Variants in CAPN3 observed in about 807,000 individuals in gnomAD.
CAPN3 encodes calpain 3, also known as calpain-3.
CAPN3 carries 88 observed loss-of-function variants against 114.0 expected under a neutral mutation model. That is an observed-to-expected ratio of 0.77 (90% CI 0.65 to 0.92). The LOEUF (loss-of-function observed/expected upper bound fraction) is 0.92, where lower values mean the gene tolerates loss of function less well. Among genes scored for constraint, CAPN3 ranks in the 40% least tolerant of loss-of-function variants. The probability of loss-of-function intolerance (pLI) is 0.00; values close to 1 mark genes in which losing one functional copy is unlikely to be tolerated. For synonymous variants in CAPN3, 386 were observed against 382.9 expected, an observed-to-expected ratio of 1.01 and a Z score of -0.09; for missense variants, 1,028 against 1,069.0, an observed-to-expected ratio of 0.96 and a Z score of 0.53.
At position 42,396,843 on chromosome 15, in the gene CAPN3, C is replaced by A. The variant is rs1225970825; in HGVS notation, c.1159C>A (p.Leu387Met). The stretch of plus-strand genomic sequence containing the variant: ...TGTGGACAAAGATGAGAAGGCCCGT[C>A]TGCAGCACCAGGTCACTGAGGATGG... ...SFVDKDEKAR[L>M]QHQVTEDGEF... The change falls in exon 9 of 24, where the codon CTG becomes ATG. Residue 387 changes from leucine to methionine, a missense_variant. Leu to Met is a conservative substitution (Grantham distance 15, BLOSUM62 2). Coordinates refer to ENST00000397163, the MANE Select transcript of CAPN3 (RefSeq NM_000070.3). The A allele has an allele frequency of 6.2e-7, 1 of 1,614,070 alleles. No homozygotes were observed. The highest frequency in any genetic ancestry group is 1.1e-5 in the South Asian group (1 of 91,084).
intron 7 of CAPN3, among the ~76,000 whole-genome samples, chr15:42,393,872 C>A (rs1342263745): frequency 6.6e-6 from 1 of 152,046 alleles, no homozygotes; most frequent in African/African-American, 2.4e-5. Context: ...GGATTACAGG[C>A]GTGAGCCACC....
chr15:42,392,824 CCT>C, intron 7 of CAPN3, 102 bp downstream of exon 7: 1 of 839,262 alleles, frequency 1.2e-6, no homozygotes, highest in South Asian at 1.5e-5. Context: ...GCAGAGCTTG[CCT>C]CCAATCAGGA....
chr15:42,404,398 T>C, intron 14 of CAPN3: 1 of 456,530 alleles, frequency 2.2e-6, no homozygotes, highest in South Asian at 1.5e-5. Context: ...ATCGCGATAC[T>C]TGCAAGGTTG....
intron 10 of CAPN3, among the ~76,000 whole-genome samples, chr15:42,400,400 A>C (rs948436188): frequency 6.6e-6 from 1 of 152,194 alleles, no homozygotes; most frequent in Non-Finnish European, 1.5e-5. Context: ...AATGATGTCA[A>C]GATTCCCAGT....
At chr15:42,409,673 A>G in intron 17 of CAPN3, 114 bp from the exon 18 acceptor site, 3 of 999,906 alleles carry the variant, frequency 3.0e-6, no homozygotes, top group Admixed American at 1.7e-5. Context: ...CCATGACATA[A>G]TAGCACCGAC....
At chr15:42,411,438 T>G in intron 23 of CAPN3, 93 bp downstream of exon 23, 1 of 1,133,548 alleles carries the variant, frequency 8.8e-7, no homozygotes, top group Non-Finnish European at 1.3e-6. Flanking sequence ...TGCTCCTCAT[T>G]TCCACACAGT....
At chr15:42,398,571 G>A (rs570800936) in intron 9 of CAPN3, among the ~76,000 whole-genome samples, 148 of 148,686 alleles carry the variant, frequency 1.0e-3, no homozygotes, top group African/African-American at 3.5e-3. Flanking sequence ...GCAACAGAGC[G>A]AGACTCTGTC....
At chr15:42,405,695 A>G (rs189925645) in intron 14 of CAPN3, among the ~76,000 whole-genome samples, 16 of 152,270 alleles carry the variant, frequency 1.1e-4, no homozygotes, top group Admixed American at 8.5e-4. Flanking sequence ...AGAGTAGATT[A>G]TAAAAACAAA....
chr15:42,359,601 T>C lies in CAPN3; in HGVS notation c.-205T>C. 7.0e-7 allele frequency: 1 copy of C among 1,425,312 alleles called. No individual in the cohort carries two copies. Among genetic ancestry groups the C allele is most frequent in the Non-Finnish European group, 9.1e-7 (1 of 1,094,496 alleles). 88.3% of individuals were successfully genotyped at this position (1,425,312 alleles called of 1,614,324 possible). A position where few individuals can be genotyped will look rare whatever the true frequency, so the allele number is the denominator to read the frequency against. On this transcript the variant is annotated 5_prime_UTR_variant, in exon 1 of 24. Coordinates refer to ENST00000397163, the MANE Select transcript of CAPN3 (RefSeq NM_000070.3). Reference sequence around the variant, plus strand: ...TTAGCACTCATTTCTCAGGAGAACTTATGGCTTCAGAATCACAGCTCGGTT... The same window carrying C: ...TTAGCACTCATTTCTCAGGAGAACTCATGGCTTCAGAATCACAGCTCGGTT...
intron 7 of CAPN3, among the ~76,000 whole-genome samples, chr15:42,392,939 G>T (rs761020240): frequency 1.3e-5 from 2 of 152,204 alleles, no homozygotes; most frequent in East Asian, 3.8e-4. Flanking sequence ...TTTGCTTTTC[G>T]TGCTAAAGAT....
At chr15:42,362,841 G>A (rs754747394) in intron 1 of CAPN3, among the ~76,000 whole-genome samples, 2 of 152,184 alleles carry the variant, frequency 1.3e-5, no homozygotes, top group Non-Finnish European at 2.9e-5. Context: ...AACTTCTTCA[G>A]ATGTAGTGAC....
intron 1 of CAPN3, among the ~76,000 whole-genome samples, chr15:42,378,733 T>A (rs2053158870): frequency 6.6e-6 from 1 of 152,128 alleles, no homozygotes; most frequent in Non-Finnish European, 1.5e-5. Flanking sequence ...GGAATATTGC[T>A]TATTGATTTT....
At chr15:42,386,013 G>A in intron 2 of CAPN3, 154 bp from the exon 3 acceptor site, 1 of 755,036 alleles carries the variant, frequency 1.3e-6, no homozygotes, top group Non-Finnish European at 2.4e-6. Context: ...TCCTTCCCTG[G>A]GTTGACACCT....
chr15:42,365,527 A>G (rs904861312), intron 1 of CAPN3, among the ~76,000 whole-genome samples: 4 of 152,068 alleles, frequency 2.6e-5, no homozygotes, highest in Non-Finnish European at 5.9e-5. Flanking sequence ...CTCCAGATCC[A>G]GTGCCTTCTC....
At chr15:42,409,764 C>T (rs1437206164) in intron 17 of CAPN3, 23 bp from the exon 18 acceptor site, 2 of 1,611,296 alleles carry the variant, frequency 1.2e-6, no homozygotes, top group Admixed American at 1.7e-5. Context: ...TGAACCATGA[C>T]CCTCCTCTCC....
Position 42,360,367 on chromosome 15 carries a change from G to GA in CAPN3, c.309+268dup, listed in dbSNP as rs397962506. The stretch of plus-strand genomic sequence containing the variant: ...TCTTATGCTCTGGCTCTTTCTCTCT[G>GA]AAAAAAAAAAAAAAATCTTGCTTTT... On this transcript the variant is annotated intron_variant, in intron 1 of 23. Transcript: ENST00000397163. Among the ~76,000 whole-genome samples, 17,336 of 136,366 alleles carry GA rather than the reference G, an allele frequency of 0.13. 1,191 individuals are homozygous for GA. Among genetic ancestry groups the GA allele is most frequent in the South Asian group, 0.2 (859 of 4,350 alleles). The allele number at this position is 136,366 out of a possible 152,430, so 89.5% of individuals were successfully genotyped here.
At chr15:42,380,742 TATATATA>T in intron 1 of CAPN3, among the ~76,000 whole-genome samples, 1 of 61,148 alleles carries the variant, frequency 1.6e-5, no homozygotes, top group African/African-American at 8.6e-5. Flanking sequence ...TATATATATA[TATATATA>T]TATTTTTTTT....
At chr15:42,411,705 ACT>A (rs761808160) in intron 23 of CAPN3, 40 bp from the exon 24 acceptor site, 2 of 607,204 alleles carry the variant, frequency 3.3e-6, no homozygotes, top group African/African-American at 2.9e-5. Flanking sequence ...GGGGGGGGTC[ACT>A]CTTTTCTGAT....
At chr15:42,397,703 T>C (rs1176313677) in intron 9 of CAPN3, among the ~76,000 whole-genome samples, 1 of 152,118 alleles carries the variant, frequency 6.6e-6, no homozygotes, top group Admixed American at 6.6e-5. Flanking sequence ...TTTGTGTTTT[T>C]ATTACTTTAT....
Sources: gnomAD v4.1 joint callset for allele counts (sites outside exome capture counted in the v4.1 genomes callset) on GRCh38, gnomAD v4.1.1 for gene constraint, MANE v1.5 for transcripts, NCBI Gene and HGNC (gene_info 2026-07-23, HGNC 2026-07-21) for gene names.